CIITA: variants seen among roughly 807,000 people sequenced by gnomAD.
The protein encoded by CIITA is class II major histocompatibility complex transactivator.
In CIITA, 72 loss-of-function variants were observed where a neutral mutation model predicts 115.1. The observed-to-expected ratio is 0.63, with a 90% CI of 0.52 to 0.76. The LOEUF is 0.76. CIITA is among the 30% of genes least tolerant of loss of function. CIITA has a pLI of 0.00. For missense variants in CIITA, 1,617 were observed against 1,463.8 expected (o/e 1.10, Z -1.71); for synonymous variants, 763 against 635.6 (o/e 1.20, Z -3.02).
intron 5 of CIITA, among the ~76,000 whole-genome samples, chr16:10,900,133 C>T (rs924721292): frequency 2.6e-5 from 4 of 152,154 alleles, no homozygotes; most frequent in African/African-American, 9.7e-5. Flanking sequence ...CCCTCCCACT[C>T]CTGTTCTGTA....
chr16:10,910,506 G>T (rs6498126), intron 13 of CIITA, among the ~76,000 whole-genome samples: 4 of 152,078 alleles, frequency 2.6e-5, no homozygotes, highest in Admixed American at 1.3e-4. Context: ...ATTCAACAGA[G>T]GTATTGAGCA....
chr16:10,871,999 C>T (rs527449435), intron 1 of CIITA, among the ~76,000 whole-genome samples: 15 of 152,352 alleles, frequency 9.8e-5, no homozygotes, highest in African/African-American at 3.6e-4. Context: ...ACCTGCGTTC[C>T]TTACTGTCTA....
chr16:10,874,137 C>T (rs1324748180), upstream of CIITA, among the ~76,000 whole-genome samples: 14 of 152,236 alleles, frequency 9.2e-5, no homozygotes, highest in East Asian at 2.3e-3. Flanking sequence ...GCGTGCACCA[C>T]CACACCTGGA....
intron 1 of CIITA, among the ~76,000 whole-genome samples, chr16:10,887,369 T>C (rs533532274): frequency 3.2e-4 from 48 of 152,230 alleles, no homozygotes; most frequent in African/African-American, 1.1e-3. Context: ...GCTAAGGTAA[T>C]GTACTCAGGA....
intron 10 of CIITA, among the ~76,000 whole-genome samples, chr16:10,906,225 T>C (rs1481744582): frequency 1.3e-5 from 2 of 152,038 alleles, no homozygotes; most frequent in Non-Finnish European, 2.9e-5. Context: ...CTGGGCATGG[T>C]GTCACATGTC....
chr16:10,924,826 C>CT lies in CIITA; in HGVS notation c.*977dup, dbSNP rs1467586172. On this transcript the variant is annotated 3_prime_UTR_variant, in exon 20 of 20. Coordinates refer to ENST00000324288, the MANE Select transcript of CIITA (RefSeq NM_000246.4). ...GGAAGCACAGCTTCATTTCCTGTGT[C>CT]TTTTTTCACTACATTATAAATGTCT... is the stretch of plus-strand genomic sequence containing the variant. 1 of 152,228 alleles carries CT rather than the reference C, an allele frequency of 6.6e-6. No individual in the cohort carries two copies. Among genetic ancestry groups the CT allele is most frequent in the African/African-American group, 2.4e-5 (1 of 41,436 alleles). The allele number at this position is 152,228 out of a possible 1,614,324, so 9.4% of individuals were successfully genotyped here.
chr16:10,887,070 C>A (rs1213123182), intron 1 of CIITA, among the ~76,000 whole-genome samples: 1 of 152,120 alleles, frequency 6.6e-6, no homozygotes, highest in Non-Finnish European at 1.5e-5. Context: ...TAGAGTTTAT[C>A]TGGAGGACTA....
chr16:10,910,273 T>C lies in CIITA; in HGVS notation c.2888+14T>C. On this transcript the variant is annotated intron_variant, in intron 13 of 19. Coordinates refer to ENST00000324288, the MANE Select transcript of CIITA (RefSeq NM_000246.4). ...ACTGGAGTTTGCGTAAGCAAAGGGGTGGATTGTCTTGTGGGTCTGCGCAAG... is the reference window on the plus strand; with the variant it reads ...ACTGGAGTTTGCGTAAGCAAAGGGGCGGATTGTCTTGTGGGTCTGCGCAAG... The C allele has an allele frequency of 1.2e-6, 2 of 1,611,958 alleles. No individual in the cohort carries two copies. The highest frequency in any genetic ancestry group is 1.7e-6 in the Non-Finnish European group (2 of 1,178,514).
In CIITA at chr16:10,895,756, C is replaced by G; in HGVS notation, c.287C>G (p.Ala96Gly). 1 of 1,614,046 alleles carries G rather than the reference C, an allele frequency of 6.2e-7. No individual in the cohort carries two copies. The highest frequency in any genetic ancestry group is 8.5e-7 in the Non-Finnish European group (1 of 1,179,958). Residue 96 changes from alanine to glycine, a missense_variant, in exon 3 of 20, where the codon GCC becomes GGC. Coordinates refer to ENST00000324288, the MANE Select transcript of CIITA (RefSeq NM_000246.4). ...GATGAAGAGACCAGGGAGGCTTATG[C>G]CAATATCGGTGAGGAAGCACCTGAG... ...EGDEETREAY[A>G]NIAELDQYVF...
chr16:10,916,539 G>T (rs1010203956), intron 15 of CIITA, 80 bp downstream of exon 15: 1 of 1,281,930 alleles, frequency 7.8e-7, no homozygotes, highest in Admixed American at 2.0e-5. Flanking sequence ...ATTTAAATTT[G>T]TTTTTTTAGA....
At chr16:10,913,656 C>T (rs1425819603) in intron 13 of CIITA, among the ~76,000 whole-genome samples, 2 of 148,760 alleles carry the variant, frequency 1.3e-5, no homozygotes, top group Non-Finnish European at 3.0e-5. Flanking sequence ...AAATAAAACT[C>T]TGGCCAGGCG....
chr16:10,867,822 C>G (rs748605121), intron 1 of CIITA, among the ~76,000 whole-genome samples: 1 of 152,124 alleles, frequency 6.6e-6, no homozygotes, highest in Non-Finnish European at 1.5e-5. Flanking sequence ...GTCGCATGAT[C>G]ACAGCTCACT....
intron 15 of CIITA, chr16:10,916,706 A>T (rs2145005733): frequency 3.7e-6 from 2 of 537,800 alleles, no homozygotes; most frequent in Admixed American, 6.1e-5. Context: ...GGATTCATCC[A>T]TTCACTCATT....
Position 10,907,389 on chromosome 16 carries a change from C to G in CIITA, c.1897C>G (p.Leu633Val), listed in dbSNP as rs764011690. ...ALLELGEDAK[L>V]PSTLTGLYVG... ...GCTGGAGCTTGGGGAGGACGCCAAG[C>G]TGCCCTCCACGCTCACGGGACTCTA... The change falls in exon 11 of 20, where the codon CTG becomes GTG. Residue 633 changes from leucine (L) to valine (V), a missense_variant. Leu to Val is a conservative substitution (Grantham distance 32). Transcript: ENST00000324288. The surrounding 1 kb of genome is among the most constrained non-coding windows in gnomAD (Gnocchi z 5.0). The G allele has an allele frequency of 1.9e-6, 3 of 1,613,240 alleles. No individual in the cohort carries two copies. The highest frequency in any genetic ancestry group is 2.5e-6 in the Non-Finnish European group (3 of 1,179,964).
chr16:10,901,605 G>A lies in CIITA; in HGVS notation c.481+47G>A, dbSNP rs2038760893. 4 of 1,586,280 alleles carry A rather than the reference G, an allele frequency of 2.5e-6. No individual in the cohort carries two copies. In the African/African-American group the frequency reaches 5.4e-5, roughly 21 times the overall value. ...GGGTTGGGAAGGGTGGATGCCTTGG[G>A]GAGGGGATGGAAGAGATTGAACTCC... On this transcript the variant is annotated intron_variant, in intron 6 of 19. Coordinates refer to ENST00000324288, the MANE Select transcript of CIITA (RefSeq NM_000246.4). This position sits in a 1 kb window ranked among gnomAD's most constrained non-coding sequence, Gnocchi z 6.8.
In CIITA at chr16:10,933,063, A is replaced by G. The variant is rs1471511795; in HGVS notation, c.*9208A>G. 5 of 152,222 alleles carry G rather than the reference A, an allele frequency of 3.3e-5. No homozygotes were observed. Among genetic ancestry groups the G allele is most frequent in the African/African-American group, 1.2e-4 (5 of 41,450 alleles). 9.4% of individuals were successfully genotyped at this position (152,222 alleles called of 1,614,324 possible). ...GAAAAGCACCCCAGAGCTGGAGCTT[A>G]TAGAACCCAGGGCAGCAGGTTCTCC... On this transcript the variant is annotated 3_prime_UTR_variant, in exon 20 of 20. Transcript: ENST00000324288.
chr16:10,922,921 C>T (rs2040353001), intron 18 of CIITA: 1 of 518,078 alleles, frequency 1.9e-6, no homozygotes, highest in South Asian at 2.2e-5. Context: ...CACAATCACT[C>T]ACCTCTTCTA....
intron 1 of CIITA, among the ~76,000 whole-genome samples, chr16:10,866,957 G>T (rs1161213833): frequency 6.6e-6 from 1 of 152,148 alleles, no homozygotes; most frequent in East Asian, 1.9e-4. Flanking sequence ...CAAAATGAGA[G>T]AAATGGGGCC....
intron 1 of CIITA, among the ~76,000 whole-genome samples, chr16:10,883,687 A>T (rs759417848): frequency 1.3e-5 from 2 of 152,118 alleles, no homozygotes; most frequent in Admixed American, 1.3e-4. Context: ...CTCAGGTCAG[A>T]TTGTCTGGGA....
Sources: gnomAD v4.1 joint callset for allele counts (sites outside exome capture counted in the v4.1 genomes callset) on GRCh38, gnomAD v4.1.1 for gene constraint, Gnocchi (gnomAD v3.1) non-coding constraint, MANE v1.5 for transcripts, NCBI Gene and HGNC (gene_info 2026-07-23, HGNC 2026-07-21) for gene names.